The following KCNE2 variants were observed in gnomAD, a reference collection of about 807,000 sequenced individuals.
KCNE2 encodes the protein potassium voltage-gated channel subfamily E regulatory subunit 2.
A neutral mutation model predicts 4.5 loss-of-function variants in KCNE2; 4 were observed. That is an observed-to-expected ratio of 0.89 (90% CI 0.44 to 2.03). KCNE2 has a LOEUF of 2.03. Ranked by LOEUF, KCNE2 falls within the 30% of genes most tolerant of loss-of-function variation. KCNE2 has a pLI of 0.03. For missense variants in KCNE2, 137 were observed against 151.4 expected (o/e 0.90, Z 0.50); for synonymous variants, 57 against 55.9 (o/e 1.02, Z -0.09).
At chr21:34,368,454 G>A (rs1253595106) in intron 1 of KCNE2, among the ~76,000 whole-genome samples, 1 of 151,618 alleles carries the variant, frequency 6.6e-6, no homozygotes, top group Non-Finnish European at 1.5e-5. Context: ...CAAAACATTA[G>A]CCAGGCGTAG....
rs570836493 is a variant in KCNE2, at chr21:34,367,301, AAG to A, written c.-13+3153_-13+3154del. 6.5e-4 allele frequency among the ~76,000 whole-genome samples: 99 copies of A among 152,274 alleles called. No individual in the cohort carries two copies. In the South Asian group the frequency reaches 0.014, roughly 21 times the overall value. On this transcript the variant is annotated intron_variant, in intron 1 of 1. Coordinates refer to ENST00000290310, the MANE Select transcript of KCNE2 (RefSeq NM_172201.2). ...TCATCACTACTTTTTTATTTTAAAA[AAG>A]AGTTAATAAAAAATAAAATGAAAAT... is the stretch of plus-strand genomic sequence containing the variant.
intron 1 of KCNE2, among the ~76,000 whole-genome samples, 187 bp from the exon 2 acceptor site, chr21:34,370,280 A>T (rs1273286755): frequency 2.6e-5 from 4 of 152,304 alleles, no homozygotes; most frequent in African/African-American, 9.6e-5. Context: ...CATGGATTGT[A>T]AAAAAAGTGA....
chr21:34,370,230 A>T (rs957326756), intron 1 of KCNE2, among the ~76,000 whole-genome samples: 5 of 152,238 alleles, frequency 3.3e-5, no homozygotes, highest in Non-Finnish European at 2.9e-5. Context: ...GTGTATATAT[A>T]TAATTTTCTC....
At position 34,370,512 on chromosome 21, in the gene KCNE2, G is replaced by A; in HGVS notation, c.34G>A (p.Glu12Lys). The change falls in exon 2 of 2, where the codon GAA becomes AAA. Residue 12 changes from glutamate to lysine, a missense_variant. Coordinates refer to ENST00000290310, the MANE Select transcript of KCNE2 (RefSeq NM_172201.2). Reference sequence around the variant, plus strand: ...TTTATCCAATTTCACACAGACGCTGGAAGACGTCTTCCGAAGGATTTTTAT... The same window carrying A: ...TTTATCCAATTTCACACAGACGCTGAAAGACGTCTTCCGAAGGATTTTTAT... ...STLSNFTQTL[E>K]DVFRRIFITY... 6.2e-7 allele frequency: 1 copy of A among 1,614,158 alleles called. No homozygotes were observed. The highest frequency in any genetic ancestry group is 1.3e-5 in the African/African-American group (1 of 75,024).
Position 34,370,865 on chromosome 21 carries a change from A to C in KCNE2, c.*15A>C, listed in dbSNP as rs761420303. On this transcript the variant is annotated 3_prime_UTR_variant, in exon 2 of 2. Coordinates refer to ENST00000290310, the MANE Select transcript of KCNE2 (RefSeq NM_172201.2). ...TGTCCCCCTGATAAGGGAGAAAGGC[A>C]CCAAGCTAACATCTGACGTCCAGAC... is the stretch of plus-strand genomic sequence containing the variant. 2.5e-6 allele frequency: 4 copies of C among 1,613,322 alleles called. No individual in the cohort carries two copies. The highest frequency in any genetic ancestry group is 1.7e-5 in the Admixed American group (1 of 60,028).
At chr21:34,367,102 A>G (rs570461092) in intron 1 of KCNE2, among the ~76,000 whole-genome samples, 4 of 148,480 alleles carry the variant, frequency 2.7e-5, no homozygotes, top group African/African-American at 9.9e-5. Context: ...ATTGGTAACA[A>G]CCGGCTGGGC....
At chr21:34,367,039 G>A (rs1046878721) in intron 1 of KCNE2, among the ~76,000 whole-genome samples, 2 of 150,038 alleles carry the variant, frequency 1.3e-5, no homozygotes, top group African/African-American at 4.9e-5. Flanking sequence ...TTGCAGAAGG[G>A]GCAGAAAAAG....
intron 1 of KCNE2, among the ~76,000 whole-genome samples, chr21:34,368,229 A>AC (rs781775671): frequency 0.03 from 2,565 of 84,784 alleles, 97 homozygotes; most frequent in African/African-American, 0.072. Flanking sequence ...ACACACACAC[A>AC]ATATATATAT....
intron 1 of KCNE2, among the ~76,000 whole-genome samples, chr21:34,369,937 C>G (rs1027551283): frequency 7.2e-5 from 11 of 152,172 alleles, no homozygotes; most frequent in Admixed American, 2.0e-4. Flanking sequence ...TCTCTAAAAA[C>G]AGAGAACATA....
At chr21:34,364,225 A>C (rs1979200119) in intron 1 of KCNE2, 74 bp downstream of exon 1, 1 of 152,216 alleles carries the variant, frequency 6.6e-6, no homozygotes, top group Non-Finnish European at 1.5e-5. Context: ...TTTCCAGAAA[A>C]TGATAAAAGG....
chr21:34,365,690 G>A (rs1458004064), intron 1 of KCNE2, among the ~76,000 whole-genome samples: 1 of 152,264 alleles, frequency 6.6e-6, no homozygotes, highest in Non-Finnish European at 1.5e-5. Context: ...CTCCCGAAGT[G>A]CTGGGATTAC....
Position 34,367,613 on chromosome 21 carries a change from A to G in KCNE2, c.-12-2854A>G, listed in dbSNP as rs564432250. 2.0e-4 allele frequency among the ~76,000 whole-genome samples: 31 copies of G among 152,336 alleles called. No individual in the cohort carries two copies. In the East Asian group the frequency reaches 5.8e-3, roughly 28 times the overall value. On this transcript the variant is annotated intron_variant, in intron 1 of 1. Coordinates refer to ENST00000290310, the MANE Select transcript of KCNE2 (RefSeq NM_172201.2). ...AGAGTATATTATCTTGGTGATGGTA[A>G]TTCTCAATGAGGAAAATCCTGGGGA...
chr21:34,370,988 G>A lies in KCNE2; in HGVS notation c.*138G>A, dbSNP rs537049622. 1.2e-5 allele frequency: 13 copies of A among 1,067,896 alleles called. No homozygotes were observed. The highest frequency in any genetic ancestry group is 1.7e-5 in the Non-Finnish European group (12 of 712,092). The allele number at this position is 1,067,896 out of a possible 1,614,324, so 66.2% of individuals were successfully genotyped here. ...TGTTGAGAATTTTCATGGAGATTAT[G>A]TGGTTGGCCAATAAAGATAGATGAC... is the stretch of plus-strand genomic sequence containing the variant. On this transcript the variant is annotated 3_prime_UTR_variant, in exon 2 of 2. Coordinates refer to ENST00000290310, the MANE Select transcript of KCNE2 (RefSeq NM_172201.2).
chr21:34,365,045 C>CTAGG (rs1237077518), intron 1 of KCNE2, among the ~76,000 whole-genome samples: 1 of 152,164 alleles, frequency 6.6e-6, no homozygotes, highest in Non-Finnish European at 1.5e-5. Context: ...GTGACCTCTG[C>CTAGG]TAGGACAGTC....
chr21:34,366,188 T>C (rs1165281543), intron 1 of KCNE2, among the ~76,000 whole-genome samples: 2 of 152,198 alleles, frequency 1.3e-5, no homozygotes, highest in Non-Finnish European at 2.9e-5. Flanking sequence ...AATTCAGCAC[T>C]GAAGTCCCTC....
In KCNE2 at chr21:34,370,647, A is replaced by G; in HGVS notation, c.169A>G (p.Ile57Val). Residue 57 changes from isoleucine (I) to valine (V), a missense_variant, in exon 2 of 2, where the codon ATT becomes GTT. Ile to Val is a conservative substitution (Grantham distance 29, BLOSUM62 3). Transcript: ENST00000290310. The part of the protein sequence containing the change: ...YYVILYLMVM[I>V]GMFSFIIVAI... ...TGTCATCCTGTACCTCATGGTGATG[A>G]TTGGAATGTTCTCTTTCATCATCGT... The G allele has an allele frequency of 1.9e-6, 3 of 1,614,214 alleles. No individual in the cohort carries two copies. The highest frequency in any genetic ancestry group is 1.7e-5 in the Admixed American group (1 of 60,022).
Position 34,370,704 on chromosome 21 carries a change from A to C in KCNE2, c.226A>C (p.Arg76=), listed in dbSNP as rs138831412. 4 of 1,614,102 alleles carry C rather than the reference A, an allele frequency of 2.5e-6. No homozygotes were observed. The African/African-American group carries it at 4.0e-5, about 16-fold the overall frequency. The part of the protein sequence containing the change: ...AILVSTVKSK[R]REHSNDPYHQ... ...CCTGGTGAGCACTGTGAAATCCAAG[A>C]GACGGGAACACTCCAATGACCCCTA... is the stretch of plus-strand genomic sequence containing the variant. Residue 76 remains arginine, a synonymous_variant, in exon 2 of 2, where the codon AGA becomes CGA. Coordinates refer to ENST00000290310, the MANE Select transcript of KCNE2 (RefSeq NM_172201.2).
At position 34,370,562 on chromosome 21, in the gene KCNE2, G is replaced by A; in HGVS notation, c.84G>A (p.Gln28=). The A allele has an allele frequency of 6.2e-7, 1 of 1,614,196 alleles. No homozygotes were observed. Among genetic ancestry groups the A allele is most frequent in the Non-Finnish European group, 8.5e-7 (1 of 1,180,034 alleles). The change falls in exon 2 of 2, where the codon CAG becomes CAA. Residue 28 remains glutamine, a synonymous_variant. Transcript: ENST00000290310. ...TTACTTATATGGACAATTGGCGCCA[G>A]AACACAACAGCTGAGCAAGAGGCCC... ...IFITYMDNWR[Q]NTTAEQEALQ...
intron 1 of KCNE2, among the ~76,000 whole-genome samples, chr21:34,365,181 C>T (rs1055523468): frequency 1.3e-5 from 2 of 152,156 alleles, no homozygotes; most frequent in African/African-American, 4.8e-5. Context: ...TATCAGAGAG[C>T]AAACCAGCCT....
Sources: allele counts gnomAD v4.1 joint callset (sites outside exome capture counted in the v4.1 genomes callset), GRCh38; gene constraint gnomAD v4.1.1; transcripts MANE v1.5; gene names NCBI Gene and HGNC (gene_info 2026-07-23, HGNC 2026-07-21).